Variants in RAB12 observed in about 807,000 individuals in gnomAD.
RAB12 encodes the protein ras-related protein Rab-12.
A neutral mutation model predicts 28.4 loss-of-function variants in RAB12; 11 were observed. That is an observed-to-expected ratio of 0.39 (90% CI 0.24 to 0.64). The LOEUF (loss-of-function observed/expected upper bound fraction) is 0.64, where lower values mean the gene tolerates loss of function less well. Ranked by LOEUF, RAB12 falls within the 30% of genes least tolerant of loss-of-function variation. The pLI is 0.50. For missense variants in RAB12, 276 were observed against 351.1 expected, an observed-to-expected ratio of 0.79 and a Z score of 1.71; for synonymous variants, 138 against 145.3, an observed-to-expected ratio of 0.95 and a Z score of 0.36.
intron 2 of RAB12, among the ~76,000 whole-genome samples, chr18:8,631,385 G>A (rs2148710864): frequency 6.6e-6 from 1 of 152,304 alleles, no homozygotes; most frequent in Non-Finnish European, 1.5e-5. Context: ...TACACAGGAG[G>A]AAACAGAGCT....
chr18:8,620,367 T>C (rs1022213647), intron 1 of RAB12, among the ~76,000 whole-genome samples: 7 of 152,068 alleles, frequency 4.6e-5, no homozygotes, highest in Admixed American at 1.3e-4. Flanking sequence ...AGGGACTGAA[T>C]GGAGAAACTG....
intron 1 of RAB12, among the ~76,000 whole-genome samples, chr18:8,616,302 C>T (rs571614783): frequency 1.3e-5 from 2 of 150,508 alleles, no homozygotes; most frequent in East Asian, 2.0e-4. Context: ...CTTTAATTCA[C>T]GTCTTTGACA....
intron 1 of RAB12, among the ~76,000 whole-genome samples, chr18:8,621,050 G>A (rs72936892): frequency 0.011 from 1,732 of 152,280 alleles, 21 homozygotes; most frequent in Non-Finnish European, 0.015. Flanking sequence ...GTGGGGGCTC[G>A]TTGCTTCCTC....
chr18:8,618,485 G>A (rs569728221), intron 1 of RAB12, among the ~76,000 whole-genome samples: 1 of 151,886 alleles, frequency 6.6e-6, no homozygotes, highest in Admixed American at 6.6e-5. Flanking sequence ...AGGTCTACTA[G>A]CAGTGAGTTT....
intron 2 of RAB12, among the ~76,000 whole-genome samples, chr18:8,632,333 A>C (rs1359295147): frequency 6.7e-6 from 1 of 149,396 alleles, no homozygotes; most frequent in Admixed American, 6.6e-5. Context: ...TTTTTGTTTG[A>C]GTGTAACTTG....
chr18:8,625,666 T>C (rs1360381948), intron 2 of RAB12, among the ~76,000 whole-genome samples: 2 of 152,202 alleles, frequency 1.3e-5, no homozygotes, highest in Non-Finnish European at 2.9e-5. Flanking sequence ...GACCTGTCTG[T>C]GGAAGAAGGG....
chr18:8,615,169 A>C (rs2096006074), intron 1 of RAB12, among the ~76,000 whole-genome samples: 1 of 152,108 alleles, frequency 6.6e-6, no homozygotes, highest in Non-Finnish European at 1.5e-5. Context: ...CTGGCAGCAG[A>C]ATGGAGGGGT....
chr18:8,617,732 C>T (rs2096007466), intron 1 of RAB12, among the ~76,000 whole-genome samples: 1 of 152,162 alleles, frequency 6.6e-6, no homozygotes, highest in Non-Finnish European at 1.5e-5. Flanking sequence ...GGTGGGGCTG[C>T]ACAGTGCACA....
At chr18:8,634,835 T>C (rs1029885535) in intron 3 of RAB12, among the ~76,000 whole-genome samples, 1 of 152,250 alleles carries the variant, frequency 6.6e-6, no homozygotes, top group African/African-American at 2.4e-5. Flanking sequence ...CAAGTAACTT[T>C]TTAGAACGAC....
At chr18:8,620,500 CCT>C (rs2096009314) in intron 1 of RAB12, among the ~76,000 whole-genome samples, 1 of 151,872 alleles carries the variant, frequency 6.6e-6, no homozygotes, top group Non-Finnish European at 1.5e-5. Context: ...TCATATTTCC[CCT>C]GTGTCCTGGG....
rs1369014502 is a variant in RAB12, at chr18:8,609,897, G to C, written c.458G>C (p.Ser153Thr). 1 of 1,608,906 alleles carries C rather than the reference G, an allele frequency of 6.2e-7. No individual in the cohort carries two copies. Among genetic ancestry groups the C allele is most frequent in the Non-Finnish European group, 8.5e-7 (1 of 1,178,218 alleles). The change falls in exon 1 of 6, where the codon AGC becomes ACC. Residue 153 changes from serine to threonine, a missense_variant. Coordinates refer to ENST00000649141, the MANE Select transcript of RAB12 (RefSeq NM_001025300.3). ...GGCTCCCGCGGCGTGGGCAAGACCA[G>C]CCTGATGGAGCGCTTCACCGACGAC... ...IIGSRGVGKT[S>T]LMERFTDDTF...
intron 2 of RAB12, among the ~76,000 whole-genome samples, chr18:8,628,383 C>T (rs918233567): frequency 1.3e-5 from 2 of 152,104 alleles, no homozygotes; most frequent in East Asian, 1.9e-4. Context: ...CAAGCAAAGG[C>T]ACTTTTGAGA....
chr18:8,629,722 T>A (rs9947533), intron 2 of RAB12, among the ~76,000 whole-genome samples: 18,444 of 152,236 alleles, frequency 0.12, 1,334 homozygotes, highest in Admixed American at 0.17. Context: ...GCAGGTCTCC[T>A]CTGAAGGAAA....
rs2096018911 is a variant in RAB12, at chr18:8,636,332, A to G, written c.884A>G (p.Lys295Arg). 1.9e-6 allele frequency: 3 copies of G among 1,608,610 alleles called. No individual in the cohort carries two copies. The highest frequency in any genetic ancestry group is 2.5e-6 in the Non-Finnish European group (3 of 1,176,544). Reference sequence around the variant, plus strand: ...TTCAATGTGGACGAGATATTTTTGAAACTTGTCGATGACATTCTGAAAAAG... The same window carrying G: ...TTCAATGTGGACGAGATATTTTTGAGACTTGTCGATGACATTCTGAAAAAG... The part of the protein sequence containing the change: ...DNFNVDEIFL[K>R]LVDDILKKMP... The change falls in exon 5 of 6, where the codon AAA (lysine) becomes AGA (arginine). Residue 295 changes from lysine (K) to arginine (R), a missense_variant. By Grantham distance (26) the Lys-to-Arg change is conservative (BLOSUM62 2). Transcript: ENST00000649141.
In RAB12 at chr18:8,633,347, G is replaced by A. The variant is rs367965195; in HGVS notation, c.714+20G>A. ...GATAAGGTAAATGTTGCATTTTTCT[G>A]TCCAATGTGAACTCTCTGCTTGTGA... On this transcript the variant is annotated intron_variant, in intron 3 of 5. Coordinates refer to ENST00000649141, the MANE Select transcript of RAB12 (RefSeq NM_001025300.3). The A allele has an allele frequency of 1.3e-4, 212 of 1,613,128 alleles. 1 individual carries two copies. The highest frequency in any genetic ancestry group is 8.1e-4 in the South Asian group (74 of 90,804).
Position 8,639,111 on chromosome 18 carries a change from C to CGGTGAA in RAB12, c.*851_*856dup, listed in dbSNP as rs2096020678. 1 of 112,764 alleles carries CGGTGAA rather than the reference C, an allele frequency of 8.9e-6. No homozygotes were observed. Among genetic ancestry groups the CGGTGAA allele is most frequent in the South Asian group, 3.1e-4 (1 of 3,196 alleles). 7.0% of individuals were successfully genotyped at this position (112,764 alleles called of 1,614,324 possible). On this transcript the variant is annotated 3_prime_UTR_variant, in exon 6 of 6. Transcript: ENST00000649141. Reference sequence around the variant, plus strand: ...AATGATAAAACTTCCCCCTTCTTTACGGTGAAGCTTATTCTGATTAAGCCT... The same window carrying CGGTGAA: ...AATGATAAAACTTCCCCCTTCTTTACGGTGAAGGTGAAGCTTATTCTGATTAAGCCT...
intron 2 of RAB12, 140 bp from the exon 3 acceptor site, chr18:8,633,049 A>G (rs1473995372): frequency 4.1e-6 from 4 of 964,962 alleles, no homozygotes; most frequent in Non-Finnish European, 3.2e-6. Flanking sequence ...AAGTGTGGTC[A>G]TCAGGTCAAA....
chr18:8,629,586 G>A (rs1287308573), intron 2 of RAB12, among the ~76,000 whole-genome samples: 4 of 152,212 alleles, frequency 2.6e-5, no homozygotes, highest in Non-Finnish European at 5.9e-5. Flanking sequence ...TCCAGTCAGG[G>A]CAGCAGGGGA....
At position 8,609,653 on chromosome 18, in the gene RAB12, G is replaced by A; in HGVS notation, c.214G>A (p.Ala72Thr). The A allele has an allele frequency of 1.3e-6, 1 of 786,930 alleles. No homozygotes were observed. The highest frequency in any genetic ancestry group is 1.5e-6 in the Non-Finnish European group (1 of 651,690). The allele number at this position is 786,930 out of a possible 1,614,324, so 48.7% of individuals were successfully genotyped here. The change falls in exon 1 of 6, where the codon GCG becomes ACG. Residue 72 changes from alanine to threonine, a missense_variant. Coordinates refer to ENST00000649141, the MANE Select transcript of RAB12 (RefSeq NM_001025300.3). The stretch of plus-strand genomic sequence containing the variant: ...CCCGCGCGCGGCGGAGGCCGAGGGG[G>A]CGCCGGGGCCCGGGGCGCGCAGCCG... ...DPPRAAEAEG[A>T]PGPGARSRGA... is the part of the protein sequence containing the mutation.
Sources: gnomAD v4.1 joint callset for allele counts (sites outside exome capture counted in the v4.1 genomes callset) on GRCh38, gnomAD v4.1.1 for gene constraint, MANE v1.5 for transcripts, NCBI Gene and HGNC (gene_info 2026-07-23, HGNC 2026-07-21) for gene names.